DNM3: variants seen among roughly 807,000 people sequenced by gnomAD.
DNM3 encodes the protein dynamin 3.
A neutral mutation model predicts 101.6 loss-of-function variants in DNM3; 47 were observed. That is an observed-to-expected ratio of 0.46 (90% CI 0.37 to 0.59). The LOEUF is 0.59. DNM3 is among the 20% of genes least tolerant of loss of function. The pLI, the probability that DNM3 is intolerant of heterozygous loss-of-function variation, is 0.00. For missense variants in DNM3, 849 were observed against 1,085.7 expected, an observed-to-expected ratio of 0.78 and a Z score of 3.06; for synonymous variants, 385 against 387.9, an observed-to-expected ratio of 0.99 and a Z score of 0.09.
chr1:172,369,951 A>G (rs181713562), intron 17 of DNM3, among the ~76,000 whole-genome samples: 44 of 151,986 alleles, frequency 2.9e-4, no homozygotes, highest in Admixed American at 2.2e-3. Context: ...GTGTGTGCCC[A>G]TGTCCATATT....
chr1:172,374,133 A>G (rs907403737), intron 17 of DNM3, among the ~76,000 whole-genome samples: 2 of 152,090 alleles, frequency 1.3e-5, no homozygotes, highest in African/African-American at 4.8e-5. Context: ...TGGAAACAAG[A>G]AATTTGCAAC....
chr1:172,388,997 A>C, intron 20 of DNM3, 188 bp downstream of exon 20: 1 of 610,266 alleles, frequency 1.6e-6, no homozygotes, highest in Non-Finnish European at 2.9e-6. Flanking sequence ...ACTTGTGATC[A>C]TTGAAATTTC....
chr1:172,390,240 A>T (rs1368166544), intron 20 of DNM3, among the ~76,000 whole-genome samples: 2 of 152,234 alleles, frequency 1.3e-5, no homozygotes, highest in African/African-American at 4.8e-5. Context: ...CAATATTACT[A>T]GGCATTGCCC....
intron 14 of DNM3, among the ~76,000 whole-genome samples, chr1:172,241,332 A>T (rs927729239): frequency 6.6e-6 from 1 of 151,648 alleles, no homozygotes; most frequent in Admixed American, 6.6e-5. Flanking sequence ...AAACTGCATA[A>T]ACGTATGGCA....
chr1:171,931,161 T>C (rs2040976413), intron 2 of DNM3, among the ~76,000 whole-genome samples: 1 of 152,154 alleles, frequency 6.6e-6, no homozygotes, highest in Admixed American at 6.5e-5. Context: ...TTAGAGAAGA[T>C]CTAAATATTT....
intron 14 of DNM3, among the ~76,000 whole-genome samples, chr1:172,176,232 G>A (rs2059150298): frequency 6.6e-6 from 1 of 151,770 alleles, no homozygotes; most frequent in Admixed American, 6.6e-5. Flanking sequence ...AAGTCAGAGA[G>A]GAGAGAAGAT....
chr1:171,954,210 A>C (rs747127142), intron 2 of DNM3, among the ~76,000 whole-genome samples: 7 of 152,144 alleles, frequency 4.6e-5, no homozygotes, highest in Non-Finnish European at 7.3e-5. Context: ...CTCTATTAGC[A>C]TTGATTTAAG....
At chr1:172,292,601 T>TCACACACACACACA (rs3079013) in intron 15 of DNM3, among the ~76,000 whole-genome samples, 41 of 148,692 alleles carry the variant, frequency 2.8e-4, no homozygotes, top group African/African-American at 7.5e-4. Flanking sequence ...ATAGAAGACT[T>TCACACACACACACA]CACACACACA....
chr1:172,317,533 G>T (rs1431631772), intron 16 of DNM3, among the ~76,000 whole-genome samples: 12 of 151,976 alleles, frequency 7.9e-5, no homozygotes, highest in African/African-American at 2.9e-4. Flanking sequence ...TCAAATAGAC[G>T]CAATAAAAAA....
chr1:171,892,507 T>C (rs780490200), intron 1 of DNM3, among the ~76,000 whole-genome samples: 59 of 152,382 alleles, frequency 3.9e-4, no homozygotes, highest in Admixed American at 3.3e-3. Flanking sequence ...TTTAGACTGA[T>C]GTCTCCAATT....
chr1:172,092,755 G>T (rs540746175), intron 12 of DNM3, 69 bp from the exon 13 acceptor site: 3 of 1,424,256 alleles, frequency 2.1e-6, no homozygotes, highest in African/African-American at 1.4e-5. Context: ...ATAAATTTTA[G>T]TATTTGTTAC....
At chr1:172,268,127 C>A (rs1420179110) in intron 15 of DNM3, among the ~76,000 whole-genome samples, 1 of 152,174 alleles carries the variant, frequency 6.6e-6, no homozygotes, top group East Asian at 1.9e-4. Flanking sequence ...TCACAGGGCT[C>A]AGACAGAGAC....
At chr1:172,132,838 A>C in intron 14 of DNM3, 1 of 745,534 alleles carries the variant, frequency 1.3e-6, no homozygotes, top group Non-Finnish European at 2.4e-6. Flanking sequence ...AAATAAAACA[A>C]AACCTTTTTT....
chr1:171,935,043 T>A (rs2041301714), intron 2 of DNM3, among the ~76,000 whole-genome samples: 1 of 152,192 alleles, frequency 6.6e-6, no homozygotes, highest in Non-Finnish European at 1.5e-5. Flanking sequence ...CTCGTATCTG[T>A]ATGATACTGC....
chr1:172,364,139 C>T (rs2067887704), intron 17 of DNM3, among the ~76,000 whole-genome samples: 2 of 151,910 alleles, frequency 1.3e-5, no homozygotes, highest in South Asian at 4.1e-4. Context: ...CTGTGACTTT[C>T]CCTTTAATCT....
intron 13 of DNM3, among the ~76,000 whole-genome samples, chr1:172,104,352 G>GT (rs961166762): frequency 2.1e-4 from 31 of 150,998 alleles, no homozygotes; most frequent in Admixed American, 2.0e-4. Context: ...TTAAATTTTT[G>GT]TTTGTTTGTT....
At chr1:171,925,449 C>T (rs564467297) in intron 2 of DNM3, among the ~76,000 whole-genome samples, 1 of 151,940 alleles carries the variant, frequency 6.6e-6, no homozygotes, top group African/African-American at 2.4e-5. Context: ...CCAGGATGGT[C>T]TCAATCTCCT....
intron 14 of DNM3, among the ~76,000 whole-genome samples, chr1:172,199,234 T>C (rs937290427): frequency 2.0e-5 from 3 of 151,980 alleles, no homozygotes; most frequent in Admixed American, 1.3e-4. Flanking sequence ...TGATTTTTCA[T>C]AGTCAACTTC....
chr1:172,406,910 G>A (rs897273997), intron 20 of DNM3, among the ~76,000 whole-genome samples: 1 of 151,348 alleles, frequency 6.6e-6, no homozygotes, highest in Non-Finnish European at 1.5e-5. Context: ...ATTTGGGGGG[G>A]TAAAAAAATG....
Sources: gnomAD v4.1 joint callset for allele counts (sites outside exome capture counted in the v4.1 genomes callset) on GRCh38, gnomAD v4.1.1 for gene constraint, MANE v1.5 for transcripts, NCBI Gene and HGNC (gene_info 2026-07-23, HGNC 2026-07-21) for gene names.